PARL: variants seen among roughly 807,000 people sequenced by gnomAD.
PARL encodes presenilin-associated rhomboid-like protein, mitochondrial.
Under a neutral mutation model 51.6 loss-of-function variants are expected in PARL, and 44 were observed. The observed-to-expected ratio is 0.85, with a 90% CI of 0.67 to 1.10. The LOEUF is 1.10. Among genes scored for constraint, PARL ranks in the 50% least tolerant of loss-of-function variants. The pLI, the probability that PARL is intolerant of heterozygous loss-of-function variation, is 0.00. For missense variants in PARL, 441 were observed against 469.5 expected (o/e 0.94, Z 0.56); for synonymous variants, 172 against 164.0 (o/e 1.05, Z -0.37).
intron 4 of PARL, among the ~76,000 whole-genome samples, chr3:183,848,556 A>C (rs943075152): frequency 6.6e-5 from 10 of 152,200 alleles, no homozygotes; most frequent in African/African-American, 2.4e-4. Flanking sequence ...TCTAGTTACA[A>C]GGTAGTCTTG....
At chr3:183,827,780 C>G (rs1254455672), downstream of PARL, among the ~76,000 whole-genome samples, 1 of 152,124 alleles carries the variant, frequency 6.6e-6, no homozygotes, top group Non-Finnish European at 1.5e-5. Context: ...TGGAACCATG[C>G]GTGTGTTGCA....
chr3:183,883,678 A>G (rs187586609), intron 1 of PARL: 26 of 985,090 alleles, frequency 2.6e-5, no homozygotes, highest in Middle Eastern at 1.0e-3. Flanking sequence ...TTAGTGCCTG[A>G]CAGATCTATG....
intron 7 of PARL, among the ~76,000 whole-genome samples, chr3:183,835,069 A>AAAAC (rs1240683813): frequency 1.3e-5 from 2 of 151,724 alleles, no homozygotes; most frequent in Admixed American, 6.6e-5. Context: ...AAAACAAAAC[A>AAAAC]AAACAAACAA....
intron 1 of PARL, among the ~76,000 whole-genome samples, chr3:183,871,824 C>T (rs959047870): frequency 6.6e-6 from 1 of 152,096 alleles, no homozygotes; most frequent in Admixed American, 6.6e-5. Context: ...AATCAGAATG[C>T]ACTGGCTGTA....
At chr3:183,881,121 AT>A (rs10589229) in intron 1 of PARL, among the ~76,000 whole-genome samples, 37,259 of 139,186 alleles carry the variant, frequency 0.27, 4,862 homozygotes, top group East Asian at 0.49. Context: ...GCCTTTGTGC[AT>A]TTTTTTTTTT....
At chr3:183,875,706 G>A (rs556643960) in intron 1 of PARL, among the ~76,000 whole-genome samples, 1 of 152,304 alleles carries the variant, frequency 6.6e-6, no homozygotes, top group South Asian at 2.1e-4. Context: ...AGAAACTGCA[G>A]CAACTTATCA....
chr3:183,839,823 C>T (rs916875279), intron 7 of PARL, among the ~76,000 whole-genome samples: 13 of 152,174 alleles, frequency 8.5e-5, no homozygotes, highest in African/African-American at 2.4e-4. Context: ...GCCTCAACCT[C>T]CTAGGCTCAA....
intron 2 of PARL, among the ~76,000 whole-genome samples, chr3:183,866,974 T>C (rs1244549001): frequency 6.6e-6 from 1 of 151,882 alleles, no homozygotes; most frequent in Non-Finnish European, 1.5e-5. Flanking sequence ...ACTGTAATGG[T>C]GCGATATGGG....
At chr3:183,865,870 T>A (rs1383785689) in intron 3 of PARL, among the ~76,000 whole-genome samples, 3 of 151,794 alleles carry the variant, frequency 2.0e-5, no homozygotes, top group African/African-American at 4.8e-5. Context: ...ACTATTAACA[T>A]TAATTTCTTT....
intron 1 of PARL, among the ~76,000 whole-genome samples, chr3:183,882,255 A>ATATTTATATATATATATT (rs1553906133): frequency 1.8e-5 from 1 of 55,214 alleles, no homozygotes; most frequent in East Asian, 5.0e-4. Flanking sequence ...TTATATATAT[A>ATATTTATATATATATATT]TATATATATA....
At chr3:183,863,859 C>G (rs1394664146) in intron 3 of PARL, among the ~76,000 whole-genome samples, 1 of 152,196 alleles carries the variant, frequency 6.6e-6, no homozygotes, top group African/African-American at 2.4e-5. Context: ...TTTCAAACTT[C>G]TTTAATGGGC....
At chr3:183,879,577 A>G (rs912781935) in intron 1 of PARL, 9 of 213,046 alleles carry the variant, frequency 4.2e-5, no homozygotes, top group Non-Finnish European at 6.5e-5. Flanking sequence ...GAACTTCATA[A>G]ACCAATAAAT....
At chr3:183,877,589 A>G (rs565459822) in intron 1 of PARL, among the ~76,000 whole-genome samples, 6 of 152,262 alleles carry the variant, frequency 3.9e-5, no homozygotes, top group Admixed American at 2.6e-4. Flanking sequence ...TTATTTTAAG[A>G]AATTGCCACC....
intron 4 of PARL, 156 bp downstream of exon 4, chr3:183,862,597 A>G: frequency 1.5e-6 from 1 of 662,078 alleles, no homozygotes. Flanking sequence ...TTTATACCTC[A>G]CCACTTTATA....
At chr3:183,859,360 C>CA (rs1345125575) in intron 4 of PARL, among the ~76,000 whole-genome samples, 1 of 152,144 alleles carries the variant, frequency 6.6e-6, no homozygotes, top group Non-Finnish European at 1.5e-5. Context: ...TGTTTTGAGA[C>CA]AGAGTCTCAC....
chr3:183,827,169 GGCCGGGT>G (rs368962364), downstream of PARL, among the ~76,000 whole-genome samples: 67 of 152,288 alleles, frequency 4.4e-4, no homozygotes, highest in African/African-American at 1.5e-3. Flanking sequence ...CTTTTCATAT[GGCCGGGT>G]GCAGATGGCT....
rs1002015396 is a variant in PARL, at chr3:183,883,563, C to G, written c.125+1159G>C. The stretch of plus-strand genomic sequence containing the variant: ...AGGATTACAGGCGTGTGAGCCACCA[C>G]GCCCGGCCAGTATTAATCTTTTCTT... On this transcript the variant is annotated intron_variant, in intron 1 of 9. Transcript: ENST00000317096. 1.4e-5 allele frequency: 14 copies of G among 983,456 alleles called. No individual in the cohort carries two copies. The African/African-American group carries it at 2.4e-4, about 17-fold the overall frequency. The allele number at this position is 983,456 out of a possible 1,614,324, so 60.9% of individuals were successfully genotyped here.
intron 4 of PARL, among the ~76,000 whole-genome samples, chr3:183,844,993 G>T (rs1729780382): frequency 6.6e-6 from 1 of 152,142 alleles, no homozygotes; most frequent in Non-Finnish European, 1.5e-5. Flanking sequence ...TTTTAGATAA[G>T]AAATTATTAT....
intron 1 of PARL, among the ~76,000 whole-genome samples, chr3:183,873,833 T>C (rs1486033641): frequency 6.6e-6 from 1 of 152,142 alleles, no homozygotes; most frequent in East Asian, 1.9e-4. Flanking sequence ...GCCTAAAATA[T>C]ATACCTCGAG....
Sources: allele counts gnomAD v4.1 joint callset (sites outside exome capture counted in the v4.1 genomes callset), GRCh38; gene constraint gnomAD v4.1.1; transcripts MANE v1.5; gene names NCBI Gene and HGNC (gene_info 2026-07-23, HGNC 2026-07-21).